Variants in ABCC1 observed in about 807,000 individuals in gnomAD.
ABCC1 encodes ATP binding cassette subfamily C member 1 (ABCC1 blood group), also known as multidrug resistance-associated protein 1.
In ABCC1, 83 loss-of-function variants were observed where a neutral mutation model predicts 172.9. That is an observed-to-expected ratio of 0.48 (90% CI 0.40 to 0.58). The LOEUF (loss-of-function observed/expected upper bound fraction) is 0.58, where lower values mean the gene tolerates loss of function less well. Among genes scored for constraint, ABCC1 ranks in the 20% least tolerant of loss-of-function variants. The probability of loss-of-function intolerance (pLI) is 0.00; values close to 1 mark genes in which losing one functional copy is unlikely to be tolerated. For synonymous variants in ABCC1, 937 were observed against 825.2 expected, an observed-to-expected ratio of 1.14 and a Z score of -2.32; for missense variants, 1,817 against 2,002.7, an observed-to-expected ratio of 0.91 and a Z score of 1.77.
rs1408413758 is a variant in ABCC1, at chr16:16,141,270, G to A, written c.4585G>A (p.Gly1529Ser). Reference sequence around the variant, plus strand: ...TTTCTACAGCATGGCCAAAGACGCCGGCTTGGTGTGAGCCCCAGAGCTGGC... The same window carrying A: ...TTTCTACAGCATGGCCAAAGACGCCAGCTTGGTGTGAGCCCCAGAGCTGGC... ...GLFYSMAKDA[G>S]LV Residue 1529 changes from glycine to serine, a missense_variant, in exon 31 of 31, where the codon GGC becomes AGC. Transcript: ENST00000399410. The A allele has an allele frequency of 1.5e-5, 24 of 1,613,824 alleles. No homozygotes were observed. The Middle Eastern group carries it at 6.6e-4, about 44-fold the overall frequency.
intron 5 of ABCC1, among the ~76,000 whole-genome samples, chr16:16,020,456 C>T (rs964406363): frequency 2.0e-5 from 3 of 152,120 alleles, no homozygotes; most frequent in Non-Finnish European, 4.4e-5. Flanking sequence ...GCCCATGGGC[C>T]GAATCTGGCC....
At chr16:15,980,890 T>C (rs762173711) in intron 1 of ABCC1, among the ~76,000 whole-genome samples, 3 of 152,174 alleles carry the variant, frequency 2.0e-5, no homozygotes, top group Non-Finnish European at 4.4e-5. Context: ...CCTGTAAAAC[T>C]GAAAGCAAGT....
Position 16,007,214 on chromosome 16 carries a change from TTG to T in ABCC1, c.49-573_49-572del, listed in dbSNP as rs71388788. On this transcript the variant is annotated intron_variant, in intron 1 of 30. Coordinates refer to ENST00000399410, the MANE Select transcript of ABCC1 (RefSeq NM_004996.4). The stretch of plus-strand genomic sequence containing the variant: ...TGGGTTTTTTTGTGTGTATGCACTG[TTG>T]TGTGTGTGTGTGTGTGTGTGTGTGT... 5.8e-3 allele frequency among the ~76,000 whole-genome samples: 848 copies of T among 145,662 alleles called. 4 individuals carry two copies. The highest frequency in any genetic ancestry group is 0.015 in the African/African-American group (600 of 38,830).
chr16:15,961,924 A>G (rs1183634432), intron 1 of ABCC1, among the ~76,000 whole-genome samples: 3 of 152,182 alleles, frequency 2.0e-5, no homozygotes, highest in Non-Finnish European at 4.4e-5. Flanking sequence ...AGGCACATGT[A>G]TGCAAATATA....
intron 26 of ABCC1, among the ~76,000 whole-genome samples, chr16:16,127,919 T>G (rs2045505695): frequency 6.6e-6 from 1 of 150,590 alleles, no homozygotes; most frequent in East Asian, 1.9e-4. Flanking sequence ...TCATTAGGTT[T>G]TTTTTTTTTT....
intron 21 of ABCC1, 36 bp from the exon 22 acceptor site, chr16:16,111,339 C>G (rs995563346): frequency 7.0e-7 from 1 of 1,433,426 alleles, no homozygotes; most frequent in African/African-American, 1.5e-5. Context: ...TGGGTGCGTG[C>G]ATGTGCTAAG....
chr16:15,953,721 C>T (rs1396741717), intron 1 of ABCC1, among the ~76,000 whole-genome samples: 1 of 152,118 alleles, frequency 6.6e-6, no homozygotes, highest in African/African-American at 2.4e-5. Context: ...GTGAGCTGGT[C>T]CCAGGGTTGA....
intron 29 of ABCC1, 92 bp from the exon 30 acceptor site, chr16:16,138,272 G>A: frequency 1.6e-6 from 2 of 1,234,046 alleles, no homozygotes; most frequent in Non-Finnish European, 2.2e-6. Context: ...AACATAGAGT[G>A]TCTCCTTTCG....
intron 21 of ABCC1, among the ~76,000 whole-genome samples, chr16:16,107,140 G>C (rs1003893675): frequency 6.6e-6 from 1 of 152,142 alleles, no homozygotes; most frequent in Non-Finnish European, 1.5e-5. Context: ...TTGACTGCCT[G>C]AGCAGCTCAG....
At chr16:15,954,053 G>C (rs980755520) in intron 1 of ABCC1, among the ~76,000 whole-genome samples, 14 of 146,050 alleles carry the variant, frequency 9.6e-5, no homozygotes, top group Non-Finnish European at 1.6e-4. Context: ...TGTCGCCCAG[G>C]CTAGGGTGCA....
At chr16:16,055,757 C>T (rs189101558) in intron 11 of ABCC1, among the ~76,000 whole-genome samples, 103 of 149,886 alleles carry the variant, frequency 6.9e-4, no homozygotes, top group African/African-American at 2.2e-3. Flanking sequence ...TTCTTGATAG[C>T]GGGGTCCTTT....
chr16:16,139,088 G>C (rs1045598885), intron 30 of ABCC1, among the ~76,000 whole-genome samples: 1 of 152,184 alleles, frequency 6.6e-6, no homozygotes, highest in Non-Finnish European at 1.5e-5. Context: ...TGGGGACTCT[G>C]TAGGCTGCTG....
Position 16,114,974 on chromosome 16 carries a change from C to G in ABCC1, c.3288C>G (p.Gly1096=). Residue 1096 remains glycine, a synonymous_variant, in exon 23 of 31, where the codon GGC becomes GGG. Transcript: ENST00000399410. The part of the protein sequence containing the change: ...MIPEVIKMFM[G]SLFNVIGACI... ...CGGAGGTCATCAAGATGTTCATGGG[C>G]TCCCTGTTCAACGTCATTGGTGCCT... The G allele has an allele frequency of 1.2e-6, 2 of 1,614,204 alleles. No homozygotes were observed. Among genetic ancestry groups the G allele is most frequent in the East Asian group, 4.5e-5 (2 of 44,886 alleles).
intron 16 of ABCC1, among the ~76,000 whole-genome samples, chr16:16,080,563 G>T (rs1215760208): frequency 6.6e-6 from 1 of 152,154 alleles, no homozygotes; most frequent in African/African-American, 2.4e-5. Flanking sequence ...TGGAAGTTTT[G>T]CTACCAGCAT....
At chr16:15,999,977 C>G (rs568467121) in intron 1 of ABCC1, among the ~76,000 whole-genome samples, 2 of 149,782 alleles carry the variant, frequency 1.3e-5, no homozygotes, top group Non-Finnish European at 3.0e-5. Flanking sequence ...GCCTCAGCCT[C>G]CCGAGTAGCT....
intron 6 of ABCC1, among the ~76,000 whole-genome samples, chr16:16,035,726 C>T (rs1197383707): frequency 1.3e-5 from 2 of 151,736 alleles, no homozygotes; most frequent in African/African-American, 4.8e-5. Flanking sequence ...AACTCCAGGG[C>T]TCACAAAATC....
chr16:15,995,812 C>A (rs781337921), intron 1 of ABCC1, among the ~76,000 whole-genome samples: 2 of 151,576 alleles, frequency 1.3e-5, no homozygotes, highest in African/African-American at 4.8e-5. Context: ...GGACTAAAGG[C>A]AAACGTCATC....
intron 1 of ABCC1, among the ~76,000 whole-genome samples, chr16:15,954,875 T>C (rs1433139024): frequency 2.0e-5 from 3 of 152,204 alleles, no homozygotes; most frequent in African/African-American, 7.2e-5. Flanking sequence ...CCACTGACCA[T>C]GTTCCTAAAG....
At chr16:15,964,840 T>A (rs2046210115) in intron 1 of ABCC1, among the ~76,000 whole-genome samples, 1 of 152,196 alleles carries the variant, frequency 6.6e-6, no homozygotes, top group African/African-American at 2.4e-5. Context: ...TGCATTTCAA[T>A]TACAATTAGA....
Sources: gnomAD v4.1 joint callset for allele counts (sites outside exome capture counted in the v4.1 genomes callset) on GRCh38, gnomAD v4.1.1 for gene constraint, MANE v1.5 for transcripts, NCBI Gene and HGNC (gene_info 2026-07-23, HGNC 2026-07-21) for gene names.